Variants in LYPD6 observed in about 807,000 individuals in gnomAD.
LYPD6 encodes LY6/PLAUR domain containing 6.
A neutral mutation model predicts 22.7 loss-of-function variants in LYPD6; 15 were observed. The observed-to-expected ratio is 0.66, with a 90% CI of 0.44 to 1.02. The LOEUF (loss-of-function observed/expected upper bound fraction) is 1.02. LYPD6 is among the 50% of genes least tolerant of loss of function. LYPD6 has a pLI of 0.00. For missense variants in LYPD6, 189 were observed against 208.4 expected, an observed-to-expected ratio of 0.91 and a Z score of 0.57; for synonymous variants, 72 against 77.5, an observed-to-expected ratio of 0.93 and a Z score of 0.37.
chr2:149,422,784 A>G (rs1047386068), intron 1 of LYPD6, among the ~76,000 whole-genome samples: 7 of 152,050 alleles, frequency 4.6e-5, no homozygotes, highest in African/African-American at 1.7e-4. Context: ...TCTCCTGACA[A>G]GCATCATTCT....
intron 1 of LYPD6, among the ~76,000 whole-genome samples, chr2:149,387,705 A>T (rs1682218345): frequency 6.6e-6 from 1 of 152,212 alleles, no homozygotes; most frequent in Non-Finnish European, 1.5e-5. Flanking sequence ...GCTCCCAGCA[A>T]GGGGAATAGG....
intron 1 of LYPD6, among the ~76,000 whole-genome samples, chr2:149,408,074 G>C (rs544844107): frequency 1.4e-4 from 21 of 152,258 alleles, no homozygotes; most frequent in East Asian, 1.2e-3. Flanking sequence ...GAATGCTGCT[G>C]TCTGATCGTT....
intron 1 of LYPD6, among the ~76,000 whole-genome samples, chr2:149,435,512 G>T (rs1466528677): frequency 5.3e-5 from 8 of 152,200 alleles, no homozygotes; most frequent in Admixed American, 5.2e-4. Context: ...CTGTCCCAGA[G>T]GTGCAGCCTC....
chr2:149,406,867 G>T lies in LYPD6; in HGVS notation c.-71-30771G>T, dbSNP rs550768802. 2.0e-5 allele frequency among the ~76,000 whole-genome samples: 3 copies of T among 148,500 alleles called. No individual in the cohort carries two copies. In the South Asian group the frequency reaches 6.4e-4, roughly 32 times the overall value. On this transcript the variant is annotated intron_variant, in intron 1 of 4. Coordinates refer to ENST00000334166, the MANE Select transcript of LYPD6 (RefSeq NM_194317.5). Reference sequence around the variant, plus strand: ...ATTTGGCATGATTTTGCAGTGGCTGGTATCAGTTGTTCCTTTCCATGTTTA... The same window carrying T: ...ATTTGGCATGATTTTGCAGTGGCTGTTATCAGTTGTTCCTTTCCATGTTTA...
intron 1 of LYPD6, among the ~76,000 whole-genome samples, chr2:149,407,743 A>G (rs1489486740): frequency 6.6e-6 from 1 of 152,166 alleles, no homozygotes; most frequent in Non-Finnish European, 1.5e-5. Context: ...TGTGAAAGTC[A>G]TCCTCCTTCC....
chr2:149,446,679 T>G (rs1402261617), intron 2 of LYPD6, among the ~76,000 whole-genome samples: 1 of 152,178 alleles, frequency 6.6e-6, no homozygotes, highest in African/African-American at 2.4e-5. Flanking sequence ...TCATTCTGTT[T>G]ATGAATTTGA....
intron 1 of LYPD6, among the ~76,000 whole-genome samples, chr2:149,426,981 C>T (rs113737753): frequency 3.3e-5 from 5 of 152,254 alleles, no homozygotes; most frequent in African/African-American, 9.6e-5. Context: ...AATATCTCCA[C>T]GGGTGCATAG....
At chr2:149,475,715 C>G (rs1406727950), downstream of LYPD6, among the ~76,000 whole-genome samples, 1 of 152,184 alleles carries the variant, frequency 6.6e-6, no homozygotes, top group African/African-American at 2.4e-5. Flanking sequence ...AGAAATTTAT[C>G]TGGGGTCCTC....
At chr2:149,420,768 C>T (rs558596510) in intron 1 of LYPD6, among the ~76,000 whole-genome samples, 3 of 152,270 alleles carry the variant, frequency 2.0e-5, no homozygotes, top group South Asian at 4.1e-4. Context: ...TGGAATACAT[C>T]GTACTGTGAT....
intron 1 of LYPD6, among the ~76,000 whole-genome samples, chr2:149,360,970 G>A (rs1397025528): frequency 6.6e-6 from 1 of 152,122 alleles, no homozygotes; most frequent in Non-Finnish European, 1.5e-5. Context: ...TTCTATGCAT[G>A]CGTAGGAAAA....
chr2:149,421,354 C>T (rs7558087), intron 1 of LYPD6, among the ~76,000 whole-genome samples: 41,652 of 145,942 alleles, frequency 0.29, 7,443 homozygotes, highest in African/African-American at 0.52. Flanking sequence ...CATACCACTG[C>T]ACTCCAGCCT....
intron 2 of LYPD6, among the ~76,000 whole-genome samples, chr2:149,447,018 C>T (rs1266405807): frequency 5.3e-5 from 8 of 152,150 alleles, no homozygotes; most frequent in Non-Finnish European, 1.0e-4. Context: ...CAGCCATCTG[C>T]GAGAGAGAAC....
At chr2:149,408,105 G>C (rs1420975353) in intron 1 of LYPD6, among the ~76,000 whole-genome samples, 1 of 152,128 alleles carries the variant, frequency 6.6e-6, no homozygotes, top group Non-Finnish European at 1.5e-5. Flanking sequence ...TTTTGTCTCA[G>C]AGGAGTACCC....
intron 2 of LYPD6, among the ~76,000 whole-genome samples, chr2:149,441,998 G>C (rs141850236): frequency 1.0e-3 from 153 of 152,272 alleles, no homozygotes; most frequent in Non-Finnish European, 1.7e-3. Flanking sequence ...ACTATACTAC[G>C]TAAGTCTTAG....
At chr2:149,444,848 T>C (rs182512202) in intron 2 of LYPD6, among the ~76,000 whole-genome samples, 17 of 152,354 alleles carry the variant, frequency 1.1e-4, no homozygotes, top group Admixed American at 5.2e-4. Flanking sequence ...ATTTCTAAAC[T>C]GCTGTTGATG....
At chr2:149,364,544 AT>A (rs558543639) in intron 1 of LYPD6, among the ~76,000 whole-genome samples, 4,598 of 135,200 alleles carry the variant, frequency 0.034, 139 homozygotes, top group African/African-American at 0.11. Context: ...ACAGAGTACA[AT>A]TTTTTTTTTT....
chr2:149,469,016 G>T (rs929933279), intron 4 of LYPD6, among the ~76,000 whole-genome samples: 2 of 152,198 alleles, frequency 1.3e-5, no homozygotes, highest in Non-Finnish European at 2.9e-5. Context: ...CAGTGTTATT[G>T]TAATAACTTT....
intron 1 of LYPD6, among the ~76,000 whole-genome samples, chr2:149,390,459 A>T (rs575138529): frequency 7.5e-4 from 114 of 152,314 alleles, no homozygotes; most frequent in African/African-American, 2.7e-3. Flanking sequence ...CTCATGCAGT[A>T]CTTCCTGTGG....
In LYPD6 at chr2:149,437,764, G is replaced by T; in HGVS notation, c.56G>T (p.Cys19Phe). Reference sequence around the variant, plus strand: ...CTGCTCCTGAGCCTGCTGGCGGATTGTCTGAAAGCTGCTCAGTCCCGAGAC... The same window carrying T: ...CTGCTCCTGAGCCTGCTGGCGGATTTTCTGAAAGCTGCTCAGTCCCGAGAC... Reference protein sequence around the residue: ...WLLLLSLLADCLKAAQSRDFT... With the variant: ...WLLLLSLLADFLKAAQSRDFT... Residue 19 changes from cysteine (C) to phenylalanine (F), a missense_variant, in exon 2 of 5, where the codon TGT becomes TTT. Coordinates refer to ENST00000334166, the MANE Select transcript of LYPD6 (RefSeq NM_194317.5). 1 of 1,614,174 alleles carries T rather than the reference G, an allele frequency of 6.2e-7. No homozygotes were observed. The highest frequency in any genetic ancestry group is 1.1e-5 in the South Asian group (1 of 91,084).
Sources: gnomAD v4.1 joint callset for allele counts (sites outside exome capture counted in the v4.1 genomes callset) on GRCh38, gnomAD v4.1.1 for gene constraint, MANE v1.5 for transcripts, NCBI Gene and HGNC (gene_info 2026-07-23, HGNC 2026-07-21) for gene names.